SH3PXD2B: variants seen among roughly 807,000 people sequenced by gnomAD.
The protein encoded by SH3PXD2B is SH3 and PX domain-containing protein 2B.
Under a neutral mutation model 73.1 loss-of-function variants are expected in SH3PXD2B, and 37 were observed. The observed-to-expected ratio is 0.51, with a 90% CI of 0.39 to 0.67. SH3PXD2B has a LOEUF of 0.67. Ranked by LOEUF, SH3PXD2B falls within the 30% of genes least tolerant of loss-of-function variation. SH3PXD2B has a pLI of 0.00. For missense variants in SH3PXD2B, 1,053 were observed against 1,197.8 expected, an observed-to-expected ratio of 0.88 and a Z score of 1.78; for synonymous variants, 457 against 480.5, an observed-to-expected ratio of 0.95 and a Z score of 0.64.
intron 2 of SH3PXD2B, among the ~76,000 whole-genome samples, chr5:172,415,707 T>A (rs1337992023): frequency 6.6e-6 from 1 of 152,232 alleles, no homozygotes; most frequent in Non-Finnish European, 1.5e-5. Context: ...CTCAGCTCTC[T>A]GGGCACTCCA....
chr5:172,363,040 C>T (rs1228052201), intron 6 of SH3PXD2B, among the ~76,000 whole-genome samples, 171 bp from the exon 7 acceptor site: 2 of 152,208 alleles, frequency 1.3e-5, no homozygotes, highest in Non-Finnish European at 2.9e-5. Context: ...GCTTACTCAA[C>T]CACCAAAATT....
At chr5:172,439,479 G>A (rs1047121753) in intron 1 of SH3PXD2B, among the ~76,000 whole-genome samples, 1 of 152,100 alleles carries the variant, frequency 6.6e-6, no homozygotes, top group South Asian at 2.1e-4. Context: ...GCTAATGCAT[G>A]TCAGGTGCTT....
At chr5:172,428,980 C>G (rs1005044284) in intron 1 of SH3PXD2B, among the ~76,000 whole-genome samples, 1 of 152,180 alleles carries the variant, frequency 6.6e-6, no homozygotes, top group Non-Finnish European at 1.5e-5. Flanking sequence ...CCTTAGCACC[C>G]ACTTTCCCAT....
intron 10 of SH3PXD2B, among the ~76,000 whole-genome samples, chr5:172,350,106 C>G (rs936996579): frequency 2.0e-5 from 3 of 152,136 alleles, no homozygotes; most frequent in Non-Finnish European, 4.4e-5. Context: ...CGGCCTGCCT[C>G]GGCCTCCCAA....
intron 1 of SH3PXD2B, among the ~76,000 whole-genome samples, chr5:172,442,543 C>G (rs1014710073): frequency 2.0e-5 from 3 of 152,102 alleles, no homozygotes; most frequent in African/African-American, 7.2e-5. Context: ...TACCATACTG[C>G]TGAATATCCA....
chr5:172,448,950 T>C (rs771358129), intron 1 of SH3PXD2B, among the ~76,000 whole-genome samples: 24 of 152,212 alleles, frequency 1.6e-4, no homozygotes, highest in Non-Finnish European at 3.4e-4. Context: ...AGCAGATCCA[T>C]GGTTTGTTCT....
At chr5:172,329,074 T>C (rs1392931785), downstream of SH3PXD2B, among the ~76,000 whole-genome samples, 2 of 80,486 alleles carry the variant, frequency 2.5e-5, no homozygotes, top group Non-Finnish European at 5.2e-5. Flanking sequence ...TATATATATA[T>C]ATATATATAT....
intron 10 of SH3PXD2B, among the ~76,000 whole-genome samples, chr5:172,349,253 C>G (rs555946700): frequency 1.3e-5 from 2 of 152,334 alleles, no homozygotes; most frequent in Admixed American, 1.3e-4. Flanking sequence ...TTAAAAACAG[C>G]TGGAGAAGCC....
chr5:172,430,788 G>A (rs371649713), intron 1 of SH3PXD2B, among the ~76,000 whole-genome samples: 1 of 152,102 alleles, frequency 6.6e-6, no homozygotes, highest in African/African-American at 2.4e-5. Context: ...TCTTAAACTT[G>A]ACCACTTTGA....
At chr5:172,350,096 C>T (rs1020495167) in intron 10 of SH3PXD2B, among the ~76,000 whole-genome samples, 7 of 152,292 alleles carry the variant, frequency 4.6e-5, no homozygotes, top group Non-Finnish European at 7.4e-5. Context: ...CTCAGGTGAT[C>T]GGCCTGCCTC....
intron 3 of SH3PXD2B, among the ~76,000 whole-genome samples, chr5:172,400,849 T>G (rs1045525954): frequency 2.0e-5 from 3 of 152,234 alleles, no homozygotes; most frequent in African/African-American, 7.2e-5. Flanking sequence ...CGAGAAGGAA[T>G]CTGCATTCTG....
At chr5:172,369,749 C>T (rs1300876642) in intron 6 of SH3PXD2B, among the ~76,000 whole-genome samples, 1 of 152,132 alleles carries the variant, frequency 6.6e-6, no homozygotes, top group Non-Finnish European at 1.5e-5. Flanking sequence ...GCTTGGGCAA[C>T]AGAGTGAGAC....
At chr5:172,409,908 G>A (rs550362777) in intron 2 of SH3PXD2B, among the ~76,000 whole-genome samples, 1 of 152,202 alleles carries the variant, frequency 6.6e-6, no homozygotes, top group East Asian at 1.9e-4. Flanking sequence ...TACAGACGGG[G>A]TTTCACCATC....
chr5:172,387,019 C>T (rs1490510306), intron 4 of SH3PXD2B, among the ~76,000 whole-genome samples: 1 of 152,144 alleles, frequency 6.6e-6, no homozygotes. Context: ...GGCAGCAAGC[C>T]AGTCTCATAA....
intron 12 of SH3PXD2B, among the ~76,000 whole-genome samples, chr5:172,327,980 C>A (rs186596887): frequency 6.6e-6 from 1 of 151,864 alleles, no homozygotes; most frequent in Non-Finnish European, 1.5e-5. Context: ...GTCTCGAACT[C>A]CTGACTTCAA....
Position 172,439,256 on chromosome 5 carries a change from A to C in SH3PXD2B, c.75+15022T>G, listed in dbSNP as rs1344261247. Among the ~76,000 whole-genome samples, 96 of 70,292 alleles carry C rather than the reference A, an allele frequency of 1.4e-3. 2 individuals are homozygous for C. The highest frequency in any genetic ancestry group is 4.0e-3 in the African/African-American group (81 of 20,402). The allele number at this position is 70,292 out of a possible 152,430, so 46.1% of individuals were successfully genotyped here. A position where few individuals can be genotyped will look rare whatever the true frequency, so the allele number is the denominator to read the frequency against. On this transcript the variant is annotated intron_variant, in intron 1 of 12. Coordinates refer to ENST00000311601, the MANE Select transcript of SH3PXD2B (RefSeq NM_001017995.3). ...AAAAACAGAAAAAAAAAAAAGAAAAAAAAAAAACAAAAACAAAAACAAAAC... is the reference window on the plus strand; with the variant it reads ...AAAAACAGAAAAAAAAAAAAGAAAACAAAAAAACAAAAACAAAAACAAAAC...
chr5:172,369,186 C>T (rs73321666), intron 6 of SH3PXD2B, among the ~76,000 whole-genome samples: 1,755 of 151,168 alleles, frequency 0.012, 32 homozygotes, highest in African/African-American at 0.04. Flanking sequence ...TAAACCACCA[C>T]GCCTGGTTGA....
At chr5:172,413,033 G>A (rs1477053436) in intron 2 of SH3PXD2B, among the ~76,000 whole-genome samples, 1 of 152,236 alleles carries the variant, frequency 6.6e-6, no homozygotes, top group African/African-American at 2.4e-5. Context: ...AACACGCCAT[G>A]GAAGCTGGCC....
intron 4 of SH3PXD2B, among the ~76,000 whole-genome samples, chr5:172,393,916 T>C (rs1758240828): frequency 6.6e-6 from 1 of 151,664 alleles, no homozygotes; most frequent in South Asian, 2.1e-4. Flanking sequence ...TATAATGGAA[T>C]ACTACGTGGT....
Sources: gnomAD v4.1 joint callset for allele counts (sites outside exome capture counted in the v4.1 genomes callset) on GRCh38, gnomAD v4.1.1 for gene constraint, MANE v1.5 for transcripts, NCBI Gene and HGNC (gene_info 2026-07-23, HGNC 2026-07-21) for gene names.